The following PEX2 variants were observed in gnomAD, a reference collection of about 807,000 sequenced individuals.
PEX2 encodes peroxisomal biogenesis factor 2.
Under a neutral mutation model 25.2 loss-of-function variants are expected in PEX2, and 19 were observed. The observed-to-expected ratio is 0.75, with a 90% CI of 0.53 to 1.10. The LOEUF is 1.10. Among genes scored for constraint, PEX2 ranks in the 50% least tolerant of loss-of-function variants. The pLI is 0.00. For synonymous variants in PEX2, 141 were observed against 127.7 expected (o/e 1.10, Z -0.70); for missense variants, 347 against 350.6 (o/e 0.99, Z 0.08).
chr8:76,986,765 T>C (rs1807014625), intron 2 of PEX2, among the ~76,000 whole-genome samples: 1 of 152,214 alleles, frequency 6.6e-6, no homozygotes, highest in South Asian at 2.1e-4. Context: ...GCCCATCTAG[T>C]TGTTCCCTTG....
chr8:76,980,416 CTAGTA>C lies in PEX2; in HGVS notation c.*2840_*2844del, dbSNP rs1363523751. On this transcript the variant is annotated 3_prime_UTR_variant, in exon 4 of 4. Transcript: ENST00000357039. ...TGAGTAAGGCAAATGTAGACTCTAACTAGTAGAGATCTGCCAGCATCCACCCTTCT... is the reference window on the plus strand; with the variant it reads ...TGAGTAAGGCAAATGTAGACTCTAACGAGATCTGCCAGCATCCACCCTTCT... 1.3e-5 allele frequency: 2 copies of C among 152,202 alleles called. No homozygotes were observed. The highest frequency in any genetic ancestry group is 2.9e-5 in the Non-Finnish European group (2 of 68,048). 9.4% of individuals were successfully genotyped at this position (152,202 alleles called of 1,614,324 possible).
At position 76,981,448 on chromosome 8, in the gene PEX2, G is replaced by GT. The variant is rs1166820626; in HGVS notation, c.*1812dup. On this transcript the variant is annotated 3_prime_UTR_variant, in exon 4 of 4. Coordinates refer to ENST00000357039, the MANE Select transcript of PEX2 (RefSeq NM_000318.3). Reference sequence around the variant, plus strand: ...ACTGCACTCCAACCTGGGTGACTGGGTGAGGCCCTTTCTCACCAAAAACAA... The same window carrying GT: ...ACTGCACTCCAACCTGGGTGACTGGGTTGAGGCCCTTTCTCACCAAAAACAA... The GT allele has an allele frequency of 6.6e-6, 1 of 152,156 alleles. No individual in the cohort carries two copies. Among genetic ancestry groups the GT allele is most frequent in the Non-Finnish European group, 1.5e-5 (1 of 68,046 alleles). 9.4% of individuals were successfully genotyped at this position (152,156 alleles called of 1,614,324 possible).
At chr8:76,994,614 T>A (rs1162374035) in intron 1 of PEX2, among the ~76,000 whole-genome samples, 1 of 138,866 alleles carries the variant, frequency 7.2e-6, no homozygotes, top group African/African-American at 2.5e-5. Flanking sequence ...GCATTTAAAT[T>A]TACAGTCCTG....
chr8:76,983,520 A>G lies in PEX2; in HGVS notation c.659T>C (p.Leu220Pro). 1 of 1,614,116 alleles carries G rather than the reference A, an allele frequency of 6.2e-7. No homozygotes were observed. Residue 220 changes from leucine to proline, a missense_variant, in exon 4 of 4, where the codon CTG (leucine) becomes CCG (proline). Leu to Pro is a moderately conservative substitution (Grantham distance 98). Coordinates refer to ENST00000357039, the MANE Select transcript of PEX2 (RefSeq NM_000318.3). The stretch of plus-strand genomic sequence containing the variant: ...AGTAAGAGGAATACACCATGAAGAC[A>G]GCTTGGCTTTCAACTTCTGGACATT... ...LINVQKLKAK[L>P]SSWCIPLTGA...
chr8:76,996,583 T>C (rs6999547), intron 1 of PEX2, among the ~76,000 whole-genome samples: 144,929 of 152,266 alleles, frequency 0.95, 69,124 homozygotes, highest in East Asian at 0.99. Context: ...GTTTAAATAC[T>C]CTATAAATAA....
At chr8:76,995,494 T>A (rs1476740875) in intron 1 of PEX2, among the ~76,000 whole-genome samples, 2 of 152,002 alleles carry the variant, frequency 1.3e-5, no homozygotes, top group Non-Finnish European at 2.9e-5. Context: ...GGGGAAAATA[T>A]CTTTTTTTTT....
chr8:76,997,825 G>A (rs1432654743), intron 1 of PEX2, among the ~76,000 whole-genome samples: 2 of 152,162 alleles, frequency 1.3e-5, no homozygotes, highest in Non-Finnish European at 2.9e-5. Flanking sequence ...ACGGAGAAAG[G>A]CAGAGGACAC....
intron 1 of PEX2, among the ~76,000 whole-genome samples, chr8:76,996,777 C>T (rs1397338638): frequency 6.7e-6 from 1 of 150,072 alleles, no homozygotes; most frequent in East Asian, 1.9e-4. Context: ...GTACAAGGCA[C>T]TACAACTTTT....
chr8:76,998,834 T>C (rs184884211), intron 1 of PEX2, among the ~76,000 whole-genome samples: 1 of 152,216 alleles, frequency 6.6e-6, no homozygotes, highest in East Asian at 1.9e-4. Flanking sequence ...ATAAGGAGAA[T>C]ACGGCCAAGA....
At chr8:76,999,116 C>T (rs963641031) in intron 1 of PEX2, among the ~76,000 whole-genome samples, 1 of 152,068 alleles carries the variant, frequency 6.6e-6, no homozygotes, top group Non-Finnish European at 1.5e-5. Context: ...AGAGCCACCC[C>T]AAGTTCATTC....
At chr8:76,987,163 T>C (rs575538272) in intron 2 of PEX2, among the ~76,000 whole-genome samples, 31 of 152,288 alleles carry the variant, frequency 2.0e-4, no homozygotes, top group African/African-American at 7.5e-4. Context: ...TTTCAACCCT[T>C]GTGGAGGGTT....
intron 1 of PEX2, among the ~76,000 whole-genome samples, chr8:76,999,264 A>C (rs1440568494): frequency 6.6e-6 from 1 of 152,214 alleles, no homozygotes; most frequent in African/African-American, 2.4e-5. Flanking sequence ...CGGAAGTTTA[A>C]CAGAATGTGT....
Position 76,983,741 on chromosome 8 carries a change from C to A in PEX2, c.438G>T (p.Leu146Phe). 1 of 1,613,988 alleles carries A rather than the reference C, an allele frequency of 6.2e-7. No individual in the cohort carries two copies. The highest frequency in any genetic ancestry group is 1.3e-5 in the African/African-American group (1 of 75,038). ...KQCVNFVIGL[L>F]KLGGLINFLI... ...AAAAATTAATCAGCCCACCTAATTT[C>A]AAAAGTCCAATCACAAAATTCACAC... Residue 146 changes from leucine (L) to phenylalanine (F), a missense_variant, in exon 4 of 4, where the codon TTG (leucine) becomes TTT (phenylalanine). Leu to Phe is a conservative substitution (Grantham distance 22, BLOSUM62 0). Transcript: ENST00000357039.
chr8:76,985,051 A>G (rs961510973), intron 3 of PEX2, among the ~76,000 whole-genome samples: 31 of 152,064 alleles, frequency 2.0e-4, no homozygotes, highest in Non-Finnish European at 3.7e-4. Flanking sequence ...CAATACACAT[A>G]TATTATTATA....
intron 1 of PEX2, among the ~76,000 whole-genome samples, chr8:76,990,312 T>TCA: frequency 1.3e-5 from 2 of 152,296 alleles, no homozygotes; most frequent in South Asian, 4.1e-4. Flanking sequence ...TTGTCCCACA[T>TCA]CATCAGCAAT....
In PEX2 at chr8:77,000,008, G is replaced by A. The variant is rs886063141; in HGVS notation, c.-178C>T. 7 of 454,470 alleles carry A rather than the reference G, an allele frequency of 1.5e-5. No homozygotes were observed. Among genetic ancestry groups the A allele is most frequent in the African/African-American group, 1.2e-4 (6 of 49,992 alleles). 28.2% of individuals were successfully genotyped at this position (454,470 alleles called of 1,614,324 possible). ...CACTGACCTTAGGAGTCTGCGAAAC[G>A]CCCACGCTCCACGTAACTTTCTCTG... On this transcript the variant is annotated 5_prime_UTR_variant, in exon 1 of 4. Transcript: ENST00000357039.
upstream of PEX2, chr8:77,000,242 G>A (rs1423998793): frequency 3.3e-6 from 1 of 303,854 alleles, no homozygotes; most frequent in East Asian, 1.0e-4. Flanking sequence ...AAGAGCCGAA[G>A]GGCCGAAAAG....
intron 2 of PEX2, among the ~76,000 whole-genome samples, chr8:76,987,371 G>GT (rs1807036118): frequency 1.3e-5 from 2 of 152,116 alleles, no homozygotes; most frequent in African/African-American, 4.8e-5. Context: ...GTAAAGGAGG[G>GT]TAAGAATACT....
Position 76,984,209 on chromosome 8 carries a change from C to T in PEX2, c.-17-14G>A. 1 of 1,605,108 alleles carries T rather than the reference C, an allele frequency of 6.2e-7. No homozygotes were observed. Among genetic ancestry groups the T allele is most frequent in the South Asian group, 1.1e-5 (1 of 90,878 alleles). On this transcript the variant is annotated splice_polypyrimidine_tract_variant and intron_variant, in intron 3 of 3. Coordinates refer to ENST00000357039, the MANE Select transcript of PEX2 (RefSeq NM_000318.3). ...CTCTGAAGGTCTCTAGGAAAAAATA[C>T]AATTGAAGAACATTAGCAAAGAGTT...
Sources: allele counts gnomAD v4.1 joint callset (sites outside exome capture counted in the v4.1 genomes callset), GRCh38; gene constraint gnomAD v4.1.1; transcripts MANE v1.5; gene names NCBI Gene and HGNC (gene_info 2026-07-23, HGNC 2026-07-21).